GRIP1: variants seen among roughly 807,000 people sequenced by gnomAD.
The protein encoded by GRIP1 is glutamate receptor-interacting protein 1.
GRIP1 carries 45 observed loss-of-function variants against 129.9 expected under a neutral mutation model. The ratio of observed to expected loss-of-function variants is 0.35; its 90% CI spans 0.27 to 0.44. The LOEUF (loss-of-function observed/expected upper bound fraction) is 0.44, where lower values mean the gene tolerates loss of function less well. Among genes scored for constraint, GRIP1 ranks in the 20% least tolerant of loss-of-function variants. The pLI, the probability that GRIP1 is intolerant of heterozygous loss-of-function variation, is 1.00. For synonymous variants in GRIP1, 530 were observed against 520.8 expected, an observed-to-expected ratio of 1.02 and a Z score of -0.24; for missense variants, 1,196 against 1,396.8, an observed-to-expected ratio of 0.86 and a Z score of 2.29.
At chr12:66,723,809 G>T (rs1183053160) in intron 1 of GRIP1, among the ~76,000 whole-genome samples, 5 of 152,146 alleles carry the variant, frequency 3.3e-5, no homozygotes, top group Non-Finnish European at 5.9e-5. Flanking sequence ...TCCATACAAA[G>T]AATTCAAGCA....
intron 1 of GRIP1, among the ~76,000 whole-genome samples, chr12:66,633,199 A>G (rs1001093873): frequency 6.1e-5 from 9 of 147,754 alleles, no homozygotes; most frequent in African/African-American, 2.3e-4. Context: ...GTGTATGTGT[A>G]TATATATATG....
At position 66,523,401 on chromosome 12, in the gene GRIP1, A is replaced by T. The variant is rs1328635906; in HGVS notation, c.503-5425T>A. Reference sequence around the variant, plus strand: ...AACATTCTTAAAGAAAATAATTTTCAACCCAGAATTTCATATCCAGCCAAA... The same window carrying T: ...AACATTCTTAAAGAAAATAATTTTCTACCCAGAATTTCATATCCAGCCAAA... On this transcript the variant is annotated intron_variant, in intron 5 of 24. Transcript: ENST00000359742. Among the ~76,000 whole-genome samples, 13 of 147,436 alleles carry T rather than the reference A, an allele frequency of 8.8e-5. 1 individual carries two copies. The highest frequency in any genetic ancestry group is 1.9e-4 in the Non-Finnish European group (13 of 66,858).
chr12:66,961,826 G>T (rs17103105), intron 1 of GRIP1, among the ~76,000 whole-genome samples: 49,937 of 152,010 alleles, frequency 0.33, 8,676 homozygotes, highest in African/African-American at 0.46. Context: ...GTGCCTGGCA[G>T]CCAGAAAATA....
At chr12:66,355,787 C>T (rs1329062405) in intron 23 of GRIP1, among the ~76,000 whole-genome samples, 3 of 152,142 alleles carry the variant, frequency 2.0e-5, no homozygotes, top group Admixed American at 6.5e-5. Context: ...TCTCAAGCCC[C>T]TAAGGCAGCA....
chr12:67,007,082 A>G (rs2135703373), intron 1 of GRIP1, among the ~76,000 whole-genome samples: 1 of 152,338 alleles, frequency 6.6e-6, no homozygotes, highest in South Asian at 2.1e-4. Flanking sequence ...CACTCTATTC[A>G]TTGAAAAGTT....
chr12:66,477,223 C>A (rs1479152421), intron 7 of GRIP1, among the ~76,000 whole-genome samples: 2 of 152,012 alleles, frequency 1.3e-5, no homozygotes, highest in Non-Finnish European at 2.9e-5. Flanking sequence ...AAGCATTCCT[C>A]TACACCAATA....
intron 2 of GRIP1, among the ~76,000 whole-genome samples, chr12:66,582,193 C>T (rs2063414111): frequency 6.6e-6 from 1 of 150,756 alleles, no homozygotes; most frequent in Non-Finnish European, 1.5e-5. Flanking sequence ...AGGCCTTTGA[C>T]AAAATTCAAC....
chr12:66,805,895 T>C (rs1281859783), upstream of GRIP1, among the ~76,000 whole-genome samples: 1 of 151,944 alleles, frequency 6.6e-6, no homozygotes, highest in Non-Finnish European at 1.5e-5. Context: ...AACTTAATGA[T>C]GCTGACAAAA....
chr12:66,905,967 A>C (rs754101983), intron 1 of GRIP1, among the ~76,000 whole-genome samples: 2 of 152,200 alleles, frequency 1.3e-5, no homozygotes, highest in Non-Finnish European at 2.9e-5. Context: ...CTATTAGTAA[A>C]AAGGTGGTCA....
intron 1 of GRIP1, among the ~76,000 whole-genome samples, chr12:66,617,413 T>C (rs1156912124): frequency 6.6e-6 from 1 of 151,988 alleles, no homozygotes; most frequent in Admixed American, 6.6e-5. Context: ...TGATGTTTAA[T>C]CAAAGCTAAT....
intron 1 of GRIP1, among the ~76,000 whole-genome samples, chr12:66,981,265 T>C (rs116330087): frequency 1.2e-3 from 188 of 151,578 alleles, no homozygotes; most frequent in African/African-American, 4.4e-3. Context: ...TAATGCTTAT[T>C]ATGACTTTTT....
chr12:66,877,506 C>T (rs972661233), intron 1 of GRIP1, among the ~76,000 whole-genome samples: 2 of 152,032 alleles, frequency 1.3e-5, no homozygotes, highest in Non-Finnish European at 2.9e-5. Context: ...TTCTATTTCA[C>T]CTTATTAAAC....
chr12:66,713,065 A>G (rs1188239216), intron 1 of GRIP1, among the ~76,000 whole-genome samples: 1 of 151,980 alleles, frequency 6.6e-6, no homozygotes, highest in Non-Finnish European at 1.5e-5. Flanking sequence ...TAAACTTTTG[A>G]GCCAGAAAAG....
intron 1 of GRIP1, among the ~76,000 whole-genome samples, chr12:67,029,590 A>G (rs1314796141): frequency 6.6e-6 from 1 of 151,536 alleles, no homozygotes; most frequent in African/African-American, 2.4e-5. Context: ...AAAAAAAAAA[A>G]AAAAAAAAGC....
intron 2 of GRIP1, among the ~76,000 whole-genome samples, chr12:66,594,597 C>G (rs988649391): frequency 6.6e-6 from 1 of 152,132 alleles, no homozygotes; most frequent in Admixed American, 6.5e-5. Flanking sequence ...ATTGGACTCT[C>G]CTGAATTCTG....
In GRIP1 at chr12:66,366,157, A is replaced by G. The variant is rs530664213; in HGVS notation, c.3012+5537T>C. 4.6e-5 allele frequency among the ~76,000 whole-genome samples: 7 copies of G among 152,348 alleles called. No individual in the cohort carries two copies. In the South Asian group the frequency reaches 1.4e-3, roughly 32 times the overall value. On this transcript the variant is annotated intron_variant, in intron 23 of 24. Transcript: ENST00000359742. Reference sequence around the variant, plus strand: ...CACAGTACACAATTCTACACTAGGTATTTGGAGAAAGTTGAAGCCTGGCAT... The same window carrying G: ...CACAGTACACAATTCTACACTAGGTGTTTGGAGAAAGTTGAAGCCTGGCAT...
At chr12:66,791,931 A>C (rs1285159694) in intron 1 of GRIP1, among the ~76,000 whole-genome samples, 1 of 152,150 alleles carries the variant, frequency 6.6e-6, no homozygotes, top group Admixed American at 6.6e-5. Flanking sequence ...TTGATTTGCC[A>C]TTCCTGAGTT....
At chr12:66,857,105 C>G (rs756501651) in intron 1 of GRIP1, among the ~76,000 whole-genome samples, 1 of 151,874 alleles carries the variant, frequency 6.6e-6, no homozygotes, top group Non-Finnish European at 1.5e-5. Flanking sequence ...CCATCATTCT[C>G]AGCAAACTGT....
At chr12:67,033,698 C>T (rs1432339877) in intron 1 of GRIP1, among the ~76,000 whole-genome samples, 1 of 152,124 alleles carries the variant, frequency 6.6e-6, no homozygotes, top group Admixed American at 6.6e-5. Flanking sequence ...GTTCTCTCAC[C>T]CACCCCATCC....
Sources: allele counts gnomAD v4.1 joint callset (sites outside exome capture counted in the v4.1 genomes callset), GRCh38; gene constraint gnomAD v4.1.1; transcripts MANE v1.5; gene names NCBI Gene and HGNC (gene_info 2026-07-23, HGNC 2026-07-21).